Variants in VAT1L observed in about 807,000 individuals in gnomAD.
VAT1L encodes putative NADPH-dependent quinone oxidoreductase VAT1L.
Under a neutral mutation model 44.1 loss-of-function variants are expected in VAT1L, and 34 were observed. The observed-to-expected ratio is 0.77, with a 90% confidence interval of 0.59 to 1.03. The LOEUF (loss-of-function observed/expected upper bound fraction) is 1.03, where lower values mean the gene tolerates loss of function less well. Ranked by LOEUF, VAT1L falls within the 50% of genes least tolerant of loss-of-function variation. VAT1L has a pLI of 0.00. For synonymous variants in VAT1L, 253 were observed against 202.2 expected (o/e 1.25, Z -2.13); for missense variants, 615 against 538.8 (o/e 1.14, Z -1.40).
chr16:77,861,837 C>G (rs966939787), intron 3 of VAT1L, among the ~76,000 whole-genome samples: 1 of 152,196 alleles, frequency 6.6e-6, no homozygotes, highest in Non-Finnish European at 1.5e-5. Flanking sequence ...AACTCAGAGG[C>G]GTATTCTACA....
intron 7 of VAT1L, among the ~76,000 whole-genome samples, chr16:77,885,283 A>G (rs1464755863): frequency 6.6e-6 from 1 of 152,130 alleles, no homozygotes; most frequent in Non-Finnish European, 1.5e-5. Flanking sequence ...CTAAAGTTGG[A>G]TTGAGTCTTT....
intron 7 of VAT1L, among the ~76,000 whole-genome samples, chr16:77,936,590 G>A (rs962986001): frequency 1.3e-5 from 2 of 151,862 alleles, no homozygotes; most frequent in South Asian, 4.2e-4. Flanking sequence ...CGGCAAAAAG[G>A]AAAAAAAGGG....
intron 3 of VAT1L, among the ~76,000 whole-genome samples, chr16:77,839,070 G>C (rs2016672827): frequency 6.6e-6 from 1 of 152,098 alleles, no homozygotes; most frequent in South Asian, 2.1e-4. Flanking sequence ...GTGGTAATTG[G>C]TACTAGAGGG....
chr16:77,892,087 A>G (rs1319023322), intron 7 of VAT1L, among the ~76,000 whole-genome samples: 2 of 152,144 alleles, frequency 1.3e-5, no homozygotes, highest in East Asian at 3.9e-4. Flanking sequence ...AAAGAGATGA[A>G]TGTGGGACAC....
chr16:77,902,972 GA>G (rs11307214), intron 7 of VAT1L, among the ~76,000 whole-genome samples: 22,954 of 96,032 alleles, frequency 0.24, 2,074 homozygotes, highest in East Asian at 0.45. Flanking sequence ...GACTCTGTCT[GA>G]AAAAAAAAAA....
intron 7 of VAT1L, among the ~76,000 whole-genome samples, chr16:77,955,609 C>T (rs1016228050): frequency 6.6e-6 from 1 of 151,906 alleles, no homozygotes. Context: ...TCTGTAACCC[C>T]AGCTACTTGG....
At chr16:77,961,836 A>T (rs1389932662) in intron 7 of VAT1L, among the ~76,000 whole-genome samples, 2 of 152,228 alleles carry the variant, frequency 1.3e-5, no homozygotes, top group Non-Finnish European at 2.9e-5. Flanking sequence ...AACACTTAGC[A>T]TCTCGGAACC....
chr16:77,900,457 G>C (rs1057429898), intron 7 of VAT1L, among the ~76,000 whole-genome samples: 1 of 152,046 alleles, frequency 6.6e-6, no homozygotes, highest in African/African-American at 2.4e-5. Context: ...ATTTTGGGAG[G>C]ACAAGGCGGG....
intron 7 of VAT1L, among the ~76,000 whole-genome samples, chr16:77,911,384 T>C (rs1486663627): frequency 1.3e-5 from 2 of 152,184 alleles, no homozygotes; most frequent in Non-Finnish European, 2.9e-5. Flanking sequence ...TGTGGCATAG[T>C]GTCCTGTGGG....
intron 1 of VAT1L, among the ~76,000 whole-genome samples, chr16:77,805,079 G>A (rs1336928977): frequency 6.6e-6 from 1 of 152,190 alleles, no homozygotes; most frequent in Non-Finnish European, 1.5e-5. Context: ...AGCAGTGTGG[G>A]AAGGGAGTCT....
rs117055135 is a variant in VAT1L, at chr16:77,851,833, C to T, written c.580-10915C>T. On this transcript the variant is annotated intron_variant, in intron 3 of 8. Transcript: ENST00000302536. ...AGTGCCATAGCTAGGCTGCAAACTC[C>T]GGTTTGCCTGACTCCAAAGTCCATA... 2.3e-3 allele frequency among the ~76,000 whole-genome samples: 353 copies of T among 152,234 alleles called. 4 individuals carry two copies. Among genetic ancestry groups the T allele is most frequent in the East Asian group, 0.01 (52 of 5,172 alleles).
At position 77,906,543 on chromosome 16, in the gene VAT1L, G is replaced by A. The variant is rs138394480; in HGVS notation, c.1077+21741G>A. 3.9e-5 allele frequency among the ~76,000 whole-genome samples: 6 copies of A among 152,300 alleles called. No individual in the cohort carries two copies. The East Asian group carries it at 9.6e-4, about 24-fold the overall frequency. ...ATGATCCCAGAGAGAAAAAGTGAGGGAGAAGAAGAGCATCTGGAAAATGAA... is the reference window on the plus strand; with the variant it reads ...ATGATCCCAGAGAGAAAAAGTGAGGAAGAAGAAGAGCATCTGGAAAATGAA... On this transcript the variant is annotated intron_variant, in intron 7 of 8. Transcript: ENST00000302536.
intron 7 of VAT1L, among the ~76,000 whole-genome samples, chr16:77,969,711 C>T (rs373118966): frequency 3.9e-5 from 6 of 152,008 alleles, no homozygotes; most frequent in South Asian, 2.1e-4. Flanking sequence ...CCCATGTTCA[C>T]GGGGAGGGGA....
intron 7 of VAT1L, among the ~76,000 whole-genome samples, chr16:77,913,522 T>G (rs1597096042): frequency 1.3e-5 from 2 of 149,512 alleles, no homozygotes; most frequent in African/African-American, 4.9e-5. Flanking sequence ...GAGACCCCCC[T>G]CCCTCTACTA....
At chr16:77,802,387 G>C (rs990677701) in intron 1 of VAT1L, among the ~76,000 whole-genome samples, 1 of 152,048 alleles carries the variant, frequency 6.6e-6, no homozygotes, top group African/African-American at 2.4e-5. Flanking sequence ...GAGGGCAAGG[G>C]GGGTGGAGCA....
intron 7 of VAT1L, among the ~76,000 whole-genome samples, chr16:77,932,218 C>G (rs1193432933): frequency 6.6e-6 from 1 of 151,436 alleles, no homozygotes; most frequent in Non-Finnish European, 1.5e-5. Flanking sequence ...ATTCTCCTGC[C>G]TCAGCCTCCC....
In VAT1L at chr16:77,978,763, G is replaced by C. The variant is rs2018367851; in HGVS notation, c.*1068G>C. On this transcript the variant is annotated 3_prime_UTR_variant, in exon 9 of 9. Coordinates refer to ENST00000302536, the MANE Select transcript of VAT1L (RefSeq NM_020927.3). ...CCTCCCATATATAAACCCCGGTGTA[G>C]AATCTGCAGCGCCCTGCTCTTCGGA... 2.0e-5 allele frequency: 3 copies of C among 152,184 alleles called. No homozygotes were observed. Among genetic ancestry groups the C allele is most frequent in the African/African-American group, 7.2e-5 (3 of 41,442 alleles). 9.4% of individuals were successfully genotyped at this position (152,184 alleles called of 1,614,324 possible). A position where few individuals can be genotyped will look rare whatever the true frequency, so the allele number is the denominator to read the frequency against.
At chr16:77,955,053 T>A (rs1048884021) in intron 7 of VAT1L, among the ~76,000 whole-genome samples, 1 of 152,202 alleles carries the variant, frequency 6.6e-6, no homozygotes, top group Admixed American at 6.5e-5. Flanking sequence ...CATGAGCGCC[T>A]ATTGAGCTGT....
intron 7 of VAT1L, among the ~76,000 whole-genome samples, chr16:77,962,427 T>G (rs913374783): frequency 6.6e-6 from 1 of 151,994 alleles, no homozygotes; most frequent in East Asian, 1.9e-4. Context: ...TAGGTAGGGA[T>G]GCAAGCAGAG....
Sources: gnomAD v4.1 joint callset for allele counts (sites outside exome capture counted in the v4.1 genomes callset) on GRCh38, gnomAD v4.1.1 for gene constraint, MANE v1.5 for transcripts, NCBI Gene and HGNC (gene_info 2026-07-23, HGNC 2026-07-21) for gene names.